CCDC14: variants seen among roughly 807,000 people sequenced by gnomAD.
CCDC14 encodes coiled-coil domain-containing protein 14.
CCDC14 carries 71 observed loss-of-function variants against 81.4 expected under a neutral mutation model. That is an observed-to-expected ratio of 0.87 (90% CI 0.72 to 1.06). The LOEUF (loss-of-function observed/expected upper bound fraction) is 1.06. Among genes scored for constraint, CCDC14 ranks in the 50% least tolerant of loss-of-function variants. The pLI is 0.00. For synonymous variants in CCDC14, 332 were observed against 364.8 expected, an observed-to-expected ratio of 0.91 and a Z score of 1.03; for missense variants, 1,046 against 1,047.3, an observed-to-expected ratio of 1.00 and a Z score of 0.02.
intron 5 of CCDC14, among the ~76,000 whole-genome samples, chr3:123,903,921 A>G (rs1282544232): frequency 1.3e-5 from 2 of 152,128 alleles, no homozygotes; most frequent in Admixed American, 6.5e-5. Context: ...GTTCTCTTGG[A>G]GAGAAGGGTC....
chr3:123,905,446 GAGCGGCTA>G (rs1481004284), intron 5 of CCDC14, among the ~76,000 whole-genome samples: 20 of 152,284 alleles, frequency 1.3e-4, no homozygotes, highest in African/African-American at 4.8e-4. Flanking sequence ...AGGGCTTGAA[GAGCGGCTA>G]ACAACAGGTG....
At chr3:123,943,103 T>C (rs1188626134) in intron 9 of CCDC14, among the ~76,000 whole-genome samples, 2 of 151,832 alleles carry the variant, frequency 1.3e-5, no homozygotes, top group Non-Finnish European at 2.9e-5. Flanking sequence ...TGTATGTTTA[T>C]TACTGCATAT....
chr3:123,911,065 A>G (rs2034433009), downstream of CCDC14, among the ~76,000 whole-genome samples: 1 of 152,214 alleles, frequency 6.6e-6, no homozygotes, highest in Non-Finnish European at 1.5e-5. Context: ...CGTCCAGGTA[A>G]AAGGAATACC....
intron 9 of CCDC14, among the ~76,000 whole-genome samples, chr3:123,939,508 A>G (rs982000983): frequency 1.3e-5 from 2 of 148,954 alleles, no homozygotes; most frequent in African/African-American, 4.9e-5. Context: ...ATAAAGTGGT[A>G]CAACCAGAAA....
chr3:123,945,274 G>C (rs540637107), intron 8 of CCDC14, among the ~76,000 whole-genome samples: 1 of 151,636 alleles, frequency 6.6e-6, no homozygotes, highest in Admixed American at 6.6e-5. Flanking sequence ...CAAGAGTCAA[G>C]TAGGAATGTG....
chr3:123,918,911 C>T (rs1448276349), intron 12 of CCDC14, among the ~76,000 whole-genome samples: 2 of 152,190 alleles, frequency 1.3e-5, no homozygotes, highest in African/African-American at 4.8e-5. Flanking sequence ...GTGCCAGGGC[C>T]GAGTCCCTAC....
chr3:123,904,837 T>C (rs1274643836), intron 5 of CCDC14, among the ~76,000 whole-genome samples: 3 of 152,174 alleles, frequency 2.0e-5, no homozygotes, highest in Non-Finnish European at 1.5e-5. Flanking sequence ...AGAGAATTTG[T>C]CACAGAATTT....
At chr3:123,952,908 C>CAA (rs1408279606) in intron 5 of CCDC14, 1 of 195,142 alleles carries the variant, frequency 5.1e-6, no homozygotes, top group Non-Finnish European at 1.1e-5. Flanking sequence ...CACACACACA[C>CAA]AACTAGAAAC....
In CCDC14 at chr3:123,926,862, C is replaced by T. The variant is rs142287820; in HGVS notation, c.1778+4240G>A. 2.9e-3 allele frequency among the ~76,000 whole-genome samples: 447 copies of T among 152,188 alleles called. 1 individual carries two copies. The highest frequency in any genetic ancestry group is 4.4e-3 in the Non-Finnish European group (302 of 68,012). ...AAAACACACATACCAAAACCATATG[C>T]CTATCTGACTAAGGTGACTATGGGA... On this transcript the variant is annotated intron_variant, in intron 12 of 12. Coordinates refer to ENST00000409697, the MANE Select transcript of CCDC14 (RefSeq NM_001366335.1).
downstream of CCDC14, among the ~76,000 whole-genome samples, chr3:123,911,391 G>A (rs2034441531): frequency 6.6e-6 from 1 of 152,104 alleles, no homozygotes; most frequent in African/African-American, 2.4e-5. Context: ...AAGCAATTCG[G>A]AGCAAAAGGA....
At chr3:123,893,157 T>C (rs1243918459), downstream of CCDC14, among the ~76,000 whole-genome samples, 1 of 152,202 alleles carries the variant, frequency 6.6e-6, no homozygotes, top group Non-Finnish European at 1.5e-5. Context: ...ACATTCACCA[T>C]ATTGTGTAAC....
chr3:123,953,793 T>C (rs760761365), intron 5 of CCDC14: 26 of 150,764 alleles, frequency 1.7e-4, no homozygotes, highest in East Asian at 4.1e-4. Context: ...CTATAAACAG[T>C]ATCTCTTTCT....
In CCDC14 at chr3:123,933,120, AC is replaced by A. The variant is rs1277565695; in HGVS notation, c.1426+552del. Among the ~76,000 whole-genome samples the A allele has an allele frequency of 4.7e-4, 63 of 134,998 alleles. No individual in the cohort carries two copies. In the South Asian group the frequency reaches 0.011, roughly 23 times the overall value. 88.6% of individuals were successfully genotyped at this position (134,998 alleles called of 152,430 possible). A position where few individuals can be genotyped will look rare whatever the true frequency, so the allele number is the denominator to read the frequency against. On this transcript the variant is annotated intron_variant, in intron 10 of 12. Coordinates refer to ENST00000409697, the MANE Select transcript of CCDC14 (RefSeq NM_001366335.1). ...TCAAAACAAACAAACAAACAAACAA[AC>A]AAACAAACAAAGCTGACATATATGC...
chr3:123,931,095 A>G lies in CCDC14; in HGVS notation c.1778+7T>C. On this transcript the variant is annotated splice_region_variant and intron_variant, in intron 12 of 12. Transcript: ENST00000409697. ...GGCATGAGTTATTCAAAGGAAGTCA[A>G]TTTTACCTGGTTAATTCTCTTAGTC... 6.4e-6 allele frequency: 10 copies of G among 1,566,944 alleles called. No homozygotes were observed. Among genetic ancestry groups the G allele is most frequent in the Non-Finnish European group, 8.6e-6 (10 of 1,166,284 alleles).
intron 12 of CCDC14, among the ~76,000 whole-genome samples, chr3:123,925,899 G>A (rs1019373844): frequency 6.6e-6 from 1 of 152,064 alleles, no homozygotes; most frequent in Non-Finnish European, 1.5e-5. Context: ...CATAAATATA[G>A]TTAAAATGGT....
downstream of CCDC14, among the ~76,000 whole-genome samples, chr3:123,892,306 C>G (rs895044841): frequency 6.6e-6 from 1 of 152,232 alleles, no homozygotes; most frequent in African/African-American, 2.4e-5. Flanking sequence ...ATTGTCTGAG[C>G]TGTATCTTGG....
intron 2 of CCDC14, 26 bp from the exon 3 acceptor site, chr3:123,956,453 T>C (rs1303872248): frequency 6.8e-7 from 1 of 1,470,678 alleles, no homozygotes; most frequent in Non-Finnish European, 9.2e-7. Flanking sequence ...ATTAATATTC[T>C]TACAAATATT....
intron 12 of CCDC14, among the ~76,000 whole-genome samples, chr3:123,919,980 A>G (rs1004198439): frequency 6.6e-6 from 1 of 152,220 alleles, no homozygotes; most frequent in Non-Finnish European, 1.5e-5. Flanking sequence ...TGTTCAGGGA[A>G]CTACAAGAAA....
chr3:123,893,742 A>AT (rs1389192060), downstream of CCDC14, among the ~76,000 whole-genome samples: 1 of 151,936 alleles, frequency 6.6e-6, no homozygotes, highest in Non-Finnish European at 1.5e-5. Flanking sequence ...ATTATTTTCT[A>AT]TTTTTTGATA....
Sources: allele counts gnomAD v4.1 joint callset (sites outside exome capture counted in the v4.1 genomes callset), GRCh38; gene constraint gnomAD v4.1.1; transcripts MANE v1.5; gene names NCBI Gene and HGNC (gene_info 2026-07-23, HGNC 2026-07-21).